Variants in SLC25A48 observed in about 807,000 individuals in gnomAD.
SLC25A48 encodes the protein CTC-321K16.1.
In SLC25A48, 29 loss-of-function variants were observed where a neutral mutation model predicts 32.2. The ratio of observed to expected loss-of-function variants is 0.90; its 90% CI spans 0.67 to 1.23. The LOEUF is 1.23. Among genes scored for constraint, SLC25A48 ranks in the 50% most tolerant of loss-of-function variants. The probability of loss-of-function intolerance (pLI) is 0.00; values close to 1 mark genes in which losing one functional copy is unlikely to be tolerated. For missense variants in SLC25A48, 399 were observed against 422.7 expected (o/e 0.94, Z 0.49); for synonymous variants, 164 against 172.3 (o/e 0.95, Z 0.38).
intron 3 of SLC25A48, among the ~76,000 whole-genome samples, chr5:135,666,767 G>T (rs914265297): frequency 6.6e-6 from 1 of 152,134 alleles, no homozygotes; most frequent in Non-Finnish European, 1.5e-5. Flanking sequence ...GATCATAGTT[G>T]CTGCTTATTT....
chr5:135,756,006 A>G lies in SLC25A48; in HGVS notation c.-520-56517A>G, dbSNP rs368992490. 3.9e-5 allele frequency among the ~76,000 whole-genome samples: 6 copies of G among 152,086 alleles called. 1 individual carries two copies. In the East Asian group the frequency reaches 1.2e-3, roughly 29 times the overall value. Reference sequence around the variant, plus strand: ...TCATATCTATTGTCAACGGACATGAAATTTCACTATGATATTTATCATATA... The same window carrying G: ...TCATATCTATTGTCAACGGACATGAGATTTCACTATGATATTTATCATATA... On this transcript the variant is annotated intron_variant, in intron 3 of 10. Coordinates refer to the SLC25A48 transcript ENST00000646290.
At chr5:135,823,440 A>G (rs754359230) in intron 4 of SLC25A48, among the ~76,000 whole-genome samples, 13 of 152,094 alleles carry the variant, frequency 8.5e-5, no homozygotes, top group Non-Finnish European at 1.8e-4. Context: ...TCCTATCACC[A>G]TGGAGTCTGA....
chr5:135,645,400 C>T (rs1204350594), intron 3 of SLC25A48, among the ~76,000 whole-genome samples: 2 of 152,210 alleles, frequency 1.3e-5, no homozygotes, highest in Non-Finnish European at 2.9e-5. Flanking sequence ...TCAGCTGTGG[C>T]CTTGCTAGCT....
At chr5:135,728,624 T>A (rs1381331433) in intron 3 of SLC25A48, among the ~76,000 whole-genome samples, 1 of 152,166 alleles carries the variant, frequency 6.6e-6, no homozygotes, top group Non-Finnish European at 1.5e-5. Context: ...TAAAACTATG[T>A]CTCTGAAAAC....
At chr5:135,743,066 T>C (rs1580833136) in intron 3 of SLC25A48, among the ~76,000 whole-genome samples, 1 of 48,826 alleles carries the variant, frequency 2.0e-5, no homozygotes, top group Non-Finnish European at 4.2e-5. Flanking sequence ...CTCCCTTCCC[T>C]TCCCTTCATT....
At chr5:135,630,695 A>G (rs1335380109) in intron 2 of SLC25A48, among the ~76,000 whole-genome samples, 1 of 136,398 alleles carries the variant, frequency 7.3e-6, no homozygotes, top group Non-Finnish European at 1.5e-5. Context: ...TTTGCCTCCC[A>G]GGTTCAAGTG....
intron 3 of SLC25A48, among the ~76,000 whole-genome samples, chr5:135,679,879 C>T (rs1753853734): frequency 6.6e-6 from 1 of 152,158 alleles, no homozygotes; most frequent in African/African-American, 2.4e-5. Context: ...AGCTTTCTCT[C>T]CAGAGCAATG....
chr5:135,818,382 A>G (rs548619863), intron 4 of SLC25A48, among the ~76,000 whole-genome samples: 6 of 152,304 alleles, frequency 3.9e-5, no homozygotes, highest in African/African-American at 1.4e-4. Flanking sequence ...TGAGTGGGAT[A>G]GATCTAAACC....
At chr5:135,797,805 T>C (rs1412743122) in intron 3 of SLC25A48, among the ~76,000 whole-genome samples, 1 of 151,752 alleles carries the variant, frequency 6.6e-6, no homozygotes, top group Non-Finnish European at 1.5e-5. Flanking sequence ...ACCAGCCCTG[T>C]GATATTGTTT....
At chr5:135,793,021 A>G (rs2126634766) in intron 3 of SLC25A48, among the ~76,000 whole-genome samples, 1 of 151,440 alleles carries the variant, frequency 6.6e-6, no homozygotes, top group Non-Finnish European at 1.5e-5. Flanking sequence ...ATTATTCCTA[A>G]TATCACAGTG....
chr5:135,633,664 A>G (rs908707057), intron 2 of SLC25A48, among the ~76,000 whole-genome samples: 1 of 152,040 alleles, frequency 6.6e-6, no homozygotes, highest in Non-Finnish European at 1.5e-5. Flanking sequence ...AGACATGTAG[A>G]TGTGAGGATG....
chr5:135,788,504 G>T (rs1255509629), intron 3 of SLC25A48, among the ~76,000 whole-genome samples: 2 of 148,960 alleles, frequency 1.3e-5, no homozygotes, highest in African/African-American at 2.5e-5. Context: ...TGGGGTGGGG[G>T]TGTACACCTC....
chr5:135,800,974 T>G (rs1175260259), intron 3 of SLC25A48, among the ~76,000 whole-genome samples: 3 of 151,034 alleles, frequency 2.0e-5, no homozygotes, highest in African/African-American at 7.3e-5. Context: ...CCCCATATCT[T>G]TGGGGTTGTA....
intron 3 of SLC25A48, 30 bp from the exon 4 acceptor site, chr5:135,852,533 C>A (rs370364932): frequency 2.9e-5 from 46 of 1,570,050 alleles, no homozygotes; most frequent in Non-Finnish European, 3.9e-5. Flanking sequence ...CCGGGGTCCT[C>A]ACGCCTCTTC....
chr5:135,776,508 G>A (rs1013536318), intron 3 of SLC25A48, among the ~76,000 whole-genome samples: 7 of 151,776 alleles, frequency 4.6e-5, no homozygotes, highest in East Asian at 1.9e-4. Context: ...ATCCAGGGGG[G>A]AAGAAGATAA....
At chr5:135,682,980 G>T (rs1376009084) in intron 3 of SLC25A48, among the ~76,000 whole-genome samples, 1 of 152,110 alleles carries the variant, frequency 6.6e-6, no homozygotes, top group African/African-American at 2.4e-5. Flanking sequence ...AATGAGAGAG[G>T]GTAGAAGGGA....
At chr5:135,744,574 T>C (rs1458365893) in intron 3 of SLC25A48, among the ~76,000 whole-genome samples, 1 of 146,226 alleles carries the variant, frequency 6.8e-6, no homozygotes, top group Non-Finnish European at 1.5e-5. Flanking sequence ...TGACCTCAAG[T>C]GATCCACCTG....
chr5:135,680,414 T>A (rs1444863660), intron 3 of SLC25A48, among the ~76,000 whole-genome samples: 1 of 152,220 alleles, frequency 6.6e-6, no homozygotes, highest in African/African-American at 2.4e-5. Flanking sequence ...AGGATTACAA[T>A]GAATTTATGG....
chr5:135,734,059 C>G (rs1003557691), intron 3 of SLC25A48, among the ~76,000 whole-genome samples: 2 of 152,158 alleles, frequency 1.3e-5, no homozygotes, highest in African/African-American at 4.8e-5. Flanking sequence ...CATGGTGTAA[C>G]AGGCGAATGA....
Sources: allele counts gnomAD v4.1 joint callset (sites outside exome capture counted in the v4.1 genomes callset), GRCh38; gene constraint gnomAD v4.1.1; transcripts MANE v1.5; gene names NCBI Gene and HGNC (gene_info 2026-07-23, HGNC 2026-07-21).